The following KHDRBS2 variants were observed in gnomAD, a reference collection of about 807,000 sequenced individuals.
KHDRBS2 encodes the protein KH domain-containing, RNA-binding, signal transduction-associated protein 2.
Under a neutral mutation model 44.3 loss-of-function variants are expected in KHDRBS2, and 26 were observed. The ratio of observed to expected loss-of-function variants is 0.59; its 90% CI spans 0.43 to 0.81. KHDRBS2 has a LOEUF of 0.81. KHDRBS2 is among the 40% of genes least tolerant of loss of function. The pLI, the probability that KHDRBS2 is intolerant of heterozygous loss-of-function variation, is 0.00. For synonymous variants in KHDRBS2, 194 were observed against 151.1 expected (o/e 1.28, Z -2.08); for missense variants, 476 against 433.1 (o/e 1.10, Z -0.88).
chr6:61,638,754 T>A, the KHDRBS2 span, among the ~76,000 whole-genome samples: 1 of 152,144 alleles, frequency 6.6e-6, no homozygotes, highest in African/African-American at 2.4e-5. Flanking sequence ...TAATTATAGC[T>A]GAGAAGCAGA....
chr6:62,240,981 A>G (rs753926311), intron 1 of KHDRBS2, among the ~76,000 whole-genome samples: 64 of 152,024 alleles, frequency 4.2e-4, no homozygotes, highest in Non-Finnish European at 5.4e-4. Flanking sequence ...CTCATTTCCA[A>G]AGATAATTAG....
At chr6:62,226,601 G>A (rs953539981) in intron 1 of KHDRBS2, among the ~76,000 whole-genome samples, 1 of 152,050 alleles carries the variant, frequency 6.6e-6, no homozygotes, top group East Asian at 1.9e-4. Context: ...CCTCATGAAG[G>A]CTTTGCCCAT....
chr6:62,246,916 A>G (rs1295496547), intron 1 of KHDRBS2, among the ~76,000 whole-genome samples: 1 of 152,088 alleles, frequency 6.6e-6, no homozygotes, highest in Non-Finnish European at 1.5e-5. Context: ...TTTAAGTATT[A>G]TTTATAAAAC....
chr6:61,555,802 A>G, the KHDRBS2 span, among the ~76,000 whole-genome samples: 1 of 152,090 alleles, frequency 6.6e-6, no homozygotes, highest in Admixed American at 6.5e-5. Flanking sequence ...GCTCAGATCA[A>G]CACTCCTGGG....
At chr6:62,274,591 T>A (rs564969272) in intron 1 of KHDRBS2, among the ~76,000 whole-genome samples, 3 of 152,184 alleles carry the variant, frequency 2.0e-5, no homozygotes, top group Non-Finnish European at 2.9e-5. Flanking sequence ...GTTTACCACA[T>A]CCATGTATAA....
intron 1 of KHDRBS2, among the ~76,000 whole-genome samples, chr6:62,253,055 C>T (rs1836801482): frequency 6.6e-6 from 1 of 151,996 alleles, no homozygotes; most frequent in African/African-American, 2.4e-5. Context: ...CATGGATCAC[C>T]TACCCCAGAG....
the KHDRBS2 span, among the ~76,000 whole-genome samples, chr6:61,571,106 CACT>C: frequency 6.6e-6 from 1 of 151,946 alleles, no homozygotes; most frequent in Admixed American, 6.6e-5. Context: ...CTAAATGAGC[CACT>C]TAAAAGATAC....
At chr6:61,644,973 T>C in the KHDRBS2 span, among the ~76,000 whole-genome samples, 1 of 151,900 alleles carries the variant, frequency 6.6e-6, no homozygotes, top group Non-Finnish European at 1.5e-5. Context: ...GGGTATATAC[T>C]CAAAAGAATA....
chr6:61,888,440 A>G (rs1801298326), intron 6 of KHDRBS2, among the ~76,000 whole-genome samples: 1 of 152,174 alleles, frequency 6.6e-6, no homozygotes, highest in Non-Finnish European at 1.5e-5. Flanking sequence ...TACTATATGT[A>G]AGTCACATTT....
intron 2 of KHDRBS2, among the ~76,000 whole-genome samples, chr6:62,091,413 T>C (rs1168795028): frequency 6.6e-6 from 1 of 152,178 alleles, no homozygotes. Context: ...TAGTAATGTG[T>C]TTGAAGCTAC....
the KHDRBS2 span, among the ~76,000 whole-genome samples, chr6:61,652,534 G>A: frequency 2.0e-5 from 3 of 151,906 alleles, no homozygotes; most frequent in African/African-American, 4.8e-5. Context: ...TATCACAAGT[G>A]CTATGAAGGA....
In KHDRBS2 at chr6:62,157,809, T is replaced by A. The variant is rs570631935; in HGVS notation, c.219+19376A>T. On this transcript the variant is annotated intron_variant, in intron 2 of 8. Transcript: ENST00000281156. ...GTTTTAAAACTGTATTTAAGATGAA[T>A]ATGGCTAAAAATTCAGTTTGTAAAT... is the stretch of plus-strand genomic sequence containing the variant. 2.9e-4 allele frequency among the ~76,000 whole-genome samples: 44 copies of A among 152,324 alleles called. No homozygotes were observed. In the South Asian group the frequency reaches 8.5e-3, roughly 29 times the overall value.
At chr6:61,824,026 G>T (rs142442591) in intron 6 of KHDRBS2, among the ~76,000 whole-genome samples, 1 of 151,984 alleles carries the variant, frequency 6.6e-6, no homozygotes, top group African/African-American at 2.4e-5. Flanking sequence ...TTTCCCAAAA[G>T]AAAATTTTTT....
chr6:62,034,171 T>C (rs1784837102), intron 3 of KHDRBS2, among the ~76,000 whole-genome samples: 2 of 151,650 alleles, frequency 1.3e-5, no homozygotes, highest in African/African-American at 4.8e-5. Context: ...AAAGCCATAA[T>C]AAAAAGTCTC....
chr6:62,212,984 T>A (rs963637231), intron 1 of KHDRBS2, among the ~76,000 whole-genome samples: 2 of 152,080 alleles, frequency 1.3e-5, no homozygotes, highest in Non-Finnish European at 2.9e-5. Flanking sequence ...GATTAAATAT[T>A]TCAGTAGAAT....
At position 61,868,475 on chromosome 6, in the gene KHDRBS2, G is replaced by A. The variant is rs556126038; in HGVS notation, c.810+26160C>T. Reference sequence around the variant, plus strand: ...AGGGTCCTGCTTAATGTCCCAGGGAGAAATAAGAACTCTGTCCATAGAATA... The same window carrying A: ...AGGGTCCTGCTTAATGTCCCAGGGAAAAATAAGAACTCTGTCCATAGAATA... On this transcript the variant is annotated intron_variant, in intron 6 of 8. Transcript: ENST00000281156. Among the ~76,000 whole-genome samples the A allele has an allele frequency of 2.3e-3, 348 of 152,322 alleles. 1 individual carries two copies. Among genetic ancestry groups the A allele is most frequent in the African/African-American group, 7.8e-3 (323 of 41,572 alleles).
At chr6:61,664,083 G>A in the KHDRBS2 span, among the ~76,000 whole-genome samples, 1 of 151,820 alleles carries the variant, frequency 6.6e-6, no homozygotes, top group East Asian at 2.0e-4. Flanking sequence ...TACCAGAAAG[G>A]CTTAACCTTT....
chr6:61,636,333 T>G, the KHDRBS2 span, among the ~76,000 whole-genome samples: 2 of 152,194 alleles, frequency 1.3e-5, no homozygotes, highest in East Asian at 3.9e-4. Context: ...ATTCTATGAC[T>G]CCTGAACATA....
At position 61,831,811 on chromosome 6, in the gene KHDRBS2, G is replaced by A. The variant is rs556445267; in HGVS notation, c.810+62824C>T. On this transcript the variant is annotated intron_variant, in intron 6 of 8. Transcript: ENST00000281156. ...ATATGCCAATATAGAATAACTTAAG[G>A]AACAATTTAATTATAGAATAATTTT... is the stretch of plus-strand genomic sequence containing the variant. Among the ~76,000 whole-genome samples the A allele has an allele frequency of 2.6e-5, 4 of 152,112 alleles. No homozygotes were observed. The East Asian group carries it at 7.7e-4, about 29-fold the overall frequency.
Sources: gnomAD v4.1 joint callset for allele counts (sites outside exome capture counted in the v4.1 genomes callset) on GRCh38, gnomAD v4.1.1 for gene constraint, MANE v1.5 for transcripts, NCBI Gene and HGNC (gene_info 2026-07-23, HGNC 2026-07-21) for gene names.